The following KCNA2 variants were observed in gnomAD, a reference collection of about 807,000 sequenced individuals.
KCNA2 encodes potassium voltage-gated channel subfamily A member 2.
KCNA2 carries 11 observed loss-of-function variants against 33.4 expected under a neutral mutation model. The observed-to-expected ratio is 0.33, with a 90% confidence interval of 0.21 to 0.55. KCNA2 has a LOEUF of 0.55. KCNA2 is among the 20% of genes least tolerant of loss of function. The probability of loss-of-function intolerance (pLI) is 0.93; values close to 1 mark genes in which losing one functional copy is unlikely to be tolerated. For missense variants in KCNA2, 291 were observed against 621.6 expected (o/e 0.47, Z 5.66); for synonymous variants, 222 against 231.3 (o/e 0.96, Z 0.37).
Position 110,600,930 on chromosome 1 carries a change from C to T in KCNA2, c.*2353G>A. 1 of 985,534 alleles carries T rather than the reference C, an allele frequency of 1.0e-6. No individual in the cohort carries two copies. The highest frequency in any genetic ancestry group is 1.2e-6 in the Non-Finnish European group (1 of 830,016). 61.0% of individuals were successfully genotyped at this position (985,534 alleles called of 1,614,324 possible). The stretch of plus-strand genomic sequence containing the variant: ...GGTGCTAACTAGGCAGCAGTGAGGC[C>T]TGGGCTGGAGCCACCCCTGCATAGC... On this transcript the variant is annotated 3_prime_UTR_variant, in exon 3 of 3. Coordinates refer to ENST00000316361, the MANE Select transcript of KCNA2 (RefSeq NM_004974.4).
intron 1 of KCNA2, among the ~76,000 whole-genome samples, chr1:110,630,793 A>G (rs1650533160): frequency 6.6e-6 from 1 of 152,186 alleles, no homozygotes; most frequent in Admixed American, 6.5e-5. Flanking sequence ...TATGGATTTG[A>G]GGACCCCATT....
rs1649299445 is a variant in KCNA2 at position 110,600,625 on chromosome 1, A to G, written c.*2658T>C. ...GTGCATGACTGTATGTGAACATTTTAGAGTCCTGGGCCAAGGACACTGTGA... is the reference window on the plus strand; with the variant it reads ...GTGCATGACTGTATGTGAACATTTTGGAGTCCTGGGCCAAGGACACTGTGA... On this transcript the variant is annotated 3_prime_UTR_variant, in exon 3 of 3. Transcript: ENST00000316361. 1.0e-6 allele frequency: 1 copy of G among 985,266 alleles called. No homozygotes were observed. 61.0% of individuals were successfully genotyped at this position (985,266 alleles called of 1,614,324 possible). A position where few individuals can be genotyped will look rare whatever the true frequency, so the allele number is the denominator to read the frequency against.
chr1:110,617,322 G>T (rs1450757941), intron 1 of KCNA2, among the ~76,000 whole-genome samples: 1 of 152,224 alleles, frequency 6.6e-6, no homozygotes, highest in Non-Finnish European at 1.5e-5. Flanking sequence ...CAGGGACTCT[G>T]CGCCAGATGG....
At position 110,597,778 on chromosome 1, in the gene KCNA2, A is replaced by G. The variant is rs1458559383; in HGVS notation, c.*5505T>C. ...GATTTTGAAAGAGCTATTGCTAAAG[A>G]AAACAGTCACTATTTATTTTATTGC... On this transcript the variant is annotated 3_prime_UTR_variant, in exon 3 of 3. Transcript: ENST00000316361. 1 of 985,194 alleles carries G rather than the reference A, an allele frequency of 1.0e-6. No homozygotes were observed. The highest frequency in any genetic ancestry group is 1.7e-5 in the African/African-American group (1 of 57,246). The allele number at this position is 985,194 out of a possible 1,614,324, so 61.0% of individuals were successfully genotyped here. A position where few individuals can be genotyped will look rare whatever the true frequency, so the allele number is the denominator to read the frequency against.
chr1:110,615,188 C>T lies in KCNA2; in HGVS notation c.-495-9466G>A, dbSNP rs981052832. ...TTTCATGGCCTAAGGCACCCAAAGG[C>T]GACCTGTAAGATCACAGCAGGGCCC... On this transcript the variant is annotated intron_variant, in intron 1 of 4. Coordinates refer to the KCNA2 transcript ENST00000369770. 5.9e-5 allele frequency among the ~76,000 whole-genome samples: 9 copies of T among 152,236 alleles called. No individual in the cohort carries two copies. The East Asian group carries it at 1.4e-3, about 23-fold the overall frequency.
Position 110,598,780 on chromosome 1 carries a change from T to C in KCNA2, c.*4503A>G, listed in dbSNP as rs1570747994. 1 of 985,266 alleles carries C rather than the reference T, an allele frequency of 1.0e-6. No homozygotes were observed. Among genetic ancestry groups the C allele is most frequent in the East Asian group, 1.1e-4 (1 of 8,794 alleles). The allele number at this position is 985,266 out of a possible 1,614,324, so 61.0% of individuals were successfully genotyped here. On this transcript the variant is annotated 3_prime_UTR_variant, in exon 3 of 3. Transcript: ENST00000316361. The stretch of plus-strand genomic sequence containing the variant: ...AGCAGAGAAGAAGGAAGAGAGCATG[T>C]CAAATATTACTGAAGTTTCAGAAAG...
chr1:110,607,269 G>A (rs375360838), upstream of KCNA2: 1 of 152,018 alleles, frequency 6.6e-6, no homozygotes, highest in African/African-American at 2.4e-5. Context: ...ATGGGCACCG[G>A]GGCCTCCATG....
Position 110,593,920 on chromosome 1 carries a change from A to G in KCNA2, c.*9363T>C, listed in dbSNP as rs1357344074. 6.5e-7 allele frequency: 1 copy of G among 1,549,946 alleles called. No individual in the cohort carries two copies. The highest frequency in any genetic ancestry group is 8.7e-7 in the Non-Finnish European group (1 of 1,146,722). ...AATACATCCTGTGCAATGTAGTTAC[A>G]GCTGGTGTCTAAATTTTCAAGAAGC... On this transcript the variant is annotated 3_prime_UTR_variant, in exon 3 of 3. Transcript: ENST00000316361.
At chr1:110,628,029 T>C (rs1650448003) in intron 1 of KCNA2, among the ~76,000 whole-genome samples, 1 of 152,196 alleles carries the variant, frequency 6.6e-6, no homozygotes, top group Non-Finnish European at 1.5e-5. Flanking sequence ...TTTCTTGAAT[T>C]CACTAAGATA....
chr1:110,624,093 C>A (rs1021569393), intron 1 of KCNA2, among the ~76,000 whole-genome samples: 2 of 152,198 alleles, frequency 1.3e-5, no homozygotes, highest in Non-Finnish European at 2.9e-5. Context: ...TTTGTAGTTT[C>A]TTTACAAAGT....
chr1:110,628,904 A>G (rs1650472222), intron 1 of KCNA2, among the ~76,000 whole-genome samples: 1 of 152,192 alleles, frequency 6.6e-6, no homozygotes, highest in Non-Finnish European at 1.5e-5. Flanking sequence ...CAGCTTCATA[A>G]TCCTGTAGAT....
intron 1 of KCNA2, among the ~76,000 whole-genome samples, chr1:110,615,863 T>C (rs1298596416): frequency 1.3e-5 from 2 of 152,258 alleles, no homozygotes; most frequent in East Asian, 3.9e-4. Context: ...TGGTTTCCTG[T>C]CCCTCTCACA....
At chr1:110,624,360 A>G (rs1289679720) in intron 1 of KCNA2, among the ~76,000 whole-genome samples, 1 of 152,274 alleles carries the variant, frequency 6.6e-6, no homozygotes, top group East Asian at 1.9e-4. Context: ...CACCTCAAAC[A>G]TGCTAAGTGA....
chr1:110,598,586 T>G lies in KCNA2; in HGVS notation c.*4697A>C, dbSNP rs1570747845. On this transcript the variant is annotated 3_prime_UTR_variant, in exon 3 of 3. Transcript: ENST00000316361. ...GCCCTCCCAACACGGAGCAGCAACA[T>G]GAACACCCAGGCTGGGGTCTCAGGC... The G allele has an allele frequency of 2.0e-6, 2 of 985,410 alleles. No individual in the cohort carries two copies. Among genetic ancestry groups the G allele is most frequent in the South Asian group, 9.4e-5 (2 of 21,288 alleles). 61.0% of individuals were successfully genotyped at this position (985,410 alleles called of 1,614,324 possible). A position where few individuals can be genotyped will look rare whatever the true frequency, so the allele number is the denominator to read the frequency against.
At chr1:110,606,546 C>T (rs1297694588), upstream of KCNA2, 1 of 152,300 alleles carries the variant, frequency 6.6e-6, no homozygotes, top group Non-Finnish European at 1.5e-5. Flanking sequence ...TCAGCGCTCG[C>T]CTCCGCGCAG....
Position 110,604,441 on chromosome 1 carries a change from C to T in KCNA2, c.342G>A (p.Arg114=). The change falls in exon 3 of 3, where the codon CGG becomes CGA. Residue 114 remains arginine (R), a synonymous_variant. Coordinates refer to ENST00000316361, the MANE Select transcript of KCNA2 (RefSeq NM_004974.4). The surrounding 1 kb of genome is among the most constrained non-coding windows in gnomAD (Gnocchi z 7.6). ...TCGCTTCTTCTCCCAGCTCATAAAACCGAATTTCTTCAGAGAATATATCTA... is the reference window on the plus strand; with the variant it reads ...TCGCTTCTTCTCCCAGCTCATAAAATCGAATTTCTTCAGAGAATATATCTA... ...VPLDIFSEEI[R]FYELGEEAME... is the part of the protein sequence containing the mutation. 1 of 1,614,198 alleles carries T rather than the reference C, an allele frequency of 6.2e-7. No individual in the cohort carries two copies.
rs547723274 is a variant in KCNA2, at chr1:110,615,962, G to A, written c.-495-10240C>T. Among the ~76,000 whole-genome samples, 302 of 152,342 alleles carry A rather than the reference G, an allele frequency of 2.0e-3. 2 individuals are homozygous for A. The highest frequency in any genetic ancestry group is 7.1e-3 in the African/African-American group (297 of 41,576). On this transcript the variant is annotated intron_variant, in intron 1 of 4. Transcript: ENST00000369770. The stretch of plus-strand genomic sequence containing the variant: ...CCACCCAATGGCCACATGGGTGCAG[G>A]GACGTGCCTAAGGAAGTGGAAACCA...
At chr1:110,618,020 C>T (rs1481009230) in intron 1 of KCNA2, among the ~76,000 whole-genome samples, 1 of 152,026 alleles carries the variant, frequency 6.6e-6, no homozygotes, top group Non-Finnish European at 1.5e-5. Flanking sequence ...ATGAGATCCC[C>T]CAGGATGAGA....
Position 110,597,627 on chromosome 1 carries a change from G to T in KCNA2, c.*5656C>A. On this transcript the variant is annotated 3_prime_UTR_variant, in exon 3 of 3. Coordinates refer to ENST00000316361, the MANE Select transcript of KCNA2 (RefSeq NM_004974.4). Reference sequence around the variant, plus strand: ...TCCAGAAGGAGGTCAGATCTCAAGAGGACAGGAGTCATGTGAACACGTGGG... The same window carrying T: ...TCCAGAAGGAGGTCAGATCTCAAGATGACAGGAGTCATGTGAACACGTGGG... The T allele has an allele frequency of 1.0e-6, 1 of 985,412 alleles. No individual in the cohort carries two copies. The highest frequency in any genetic ancestry group is 4.7e-5 in the South Asian group (1 of 21,272). 61.0% of individuals were successfully genotyped at this position (985,412 alleles called of 1,614,324 possible).
Sources: gnomAD v4.1 joint callset for allele counts (sites outside exome capture counted in the v4.1 genomes callset) on GRCh38, gnomAD v4.1.1 for gene constraint, Gnocchi (gnomAD v3.1) non-coding constraint, MANE v1.5 for transcripts, NCBI Gene and HGNC (gene_info 2026-07-23, HGNC 2026-07-21) for gene names.